Variants in TNFAIP1 observed in about 807,000 individuals in gnomAD.
TNFAIP1 encodes the protein BTB/POZ domain-containing adapter for CUL3-mediated RhoA degradation protein 2.
A neutral mutation model predicts 32.6 loss-of-function variants in TNFAIP1; 20 were observed. That is an observed-to-expected ratio of 0.61 (90% CI 0.43 to 0.89). The LOEUF (loss-of-function observed/expected upper bound fraction) is 0.89. TNFAIP1 is among the 40% of genes least tolerant of loss of function. TNFAIP1 has a pLI of 0.00. For missense variants in TNFAIP1, 319 were observed against 425.1 expected (o/e 0.75, Z 2.20); for synonymous variants, 166 against 166.8 (o/e 1.00, Z 0.04).
At chr17:28,339,751 G>T (rs190694359) in intron 2 of TNFAIP1, 25 bp downstream of exon 2, 5 of 1,607,334 alleles carry the variant, frequency 3.1e-6, no homozygotes, top group Non-Finnish European at 4.2e-6. Context: ...CTGCCGCTCG[G>T]GGTGGGGAGG....
rs1907566115 is a variant in TNFAIP1, at chr17:28,346,387, T to C, written c.*1787T>C. ...GTCAGCCTGAGACCACTGGCCTATT[T>C]TCTCAGCTGCCCTCTTGAGGTCCTT... On this transcript the variant is annotated 3_prime_UTR_variant, in exon 7 of 7. Coordinates refer to ENST00000226225, the MANE Select transcript of TNFAIP1 (RefSeq NM_021137.5). The C allele has an allele frequency of 6.6e-6, 1 of 152,224 alleles. No homozygotes were observed. The highest frequency in any genetic ancestry group is 1.5e-5 in the Non-Finnish European group (1 of 68,042). 9.4% of individuals were successfully genotyped at this position (152,224 alleles called of 1,614,324 possible). A position where few individuals can be genotyped will look rare whatever the true frequency, so the allele number is the denominator to read the frequency against.
At chr17:28,337,905 C>T (rs782209029) in intron 1 of TNFAIP1, among the ~76,000 whole-genome samples, 6 of 152,154 alleles carry the variant, frequency 3.9e-5, no homozygotes, top group Non-Finnish European at 4.4e-5. Flanking sequence ...TGTTTCCTTC[C>T]ACTAGAATGT....
At position 28,339,639 on chromosome 17, in the gene TNFAIP1, T is replaced by TTG; in HGVS notation, c.118_119insTG (p.Tyr40LeufsTer8). 6.2e-7 allele frequency: 1 copy of TTG among 1,613,758 alleles called. No individual in the cohort carries two copies. Among genetic ancestry groups the TTG allele is most frequent in the Non-Finnish European group, 8.5e-7 (1 of 1,180,004 alleles). On this transcript the variant is annotated frameshift_variant, in exon 2 of 7. Coordinates refer to ENST00000226225, the MANE Select transcript of TNFAIP1 (RefSeq NM_021137.5). LOFTEE classifies it high-confidence loss of function. ...GCTCAACGTGGGCGGCTCTCTGTAC[T>TTG]ACACCACTGTGCGGGCCCTGACCCG...
At position 28,340,964 on chromosome 17, in the gene TNFAIP1, C is replaced by G. The variant is rs1381571776; in HGVS notation, c.376-273C>G. Reference sequence around the variant, plus strand: ...TTCACCATGTTTTCCAGGCTAGTCTCGAACTGCTGGGCTCAAGTGATCTGC... The same window carrying G: ...TTCACCATGTTTTCCAGGCTAGTCTGGAACTGCTGGGCTCAAGTGATCTGC... On this transcript the variant is annotated intron_variant, in intron 3 of 6. Coordinates refer to ENST00000226225, the MANE Select transcript of TNFAIP1 (RefSeq NM_021137.5). This position sits in a 1 kb window ranked among gnomAD's most constrained non-coding sequence, Gnocchi z 4.1. Among the ~76,000 whole-genome samples, 1 of 152,124 alleles carries G rather than the reference C, an allele frequency of 6.6e-6. No homozygotes were observed. Among genetic ancestry groups the G allele is most frequent in the Non-Finnish European group, 1.5e-5 (1 of 68,016 alleles).
At chr17:28,343,653 T>C (rs1907444143) in intron 6 of TNFAIP1, among the ~76,000 whole-genome samples, 1 of 151,700 alleles carries the variant, frequency 6.6e-6, no homozygotes, top group Non-Finnish European at 1.5e-5. Flanking sequence ...ACCTGGCATC[T>C]TCTTAAGTGT....
rs1309147332 is a variant in TNFAIP1 at position 28,344,942 on chromosome 17, G to A, written c.*342G>A. ...GAAGGCTACTGCCCCTTAGGCCTCA[G>A]CTGGGGGAAAGGCAGTTCTGGTGCT... On this transcript the variant is annotated 3_prime_UTR_variant, in exon 7 of 7. Coordinates refer to ENST00000226225, the MANE Select transcript of TNFAIP1 (RefSeq NM_021137.5). The A allele has an allele frequency of 1.2e-5, 4 of 321,134 alleles. No homozygotes were observed. The highest frequency in any genetic ancestry group is 2.4e-5 in the Non-Finnish European group (4 of 169,034). 19.9% of individuals were successfully genotyped at this position (321,134 alleles called of 1,614,324 possible).
chr17:28,341,106 C>A, intron 3 of TNFAIP1, 131 bp from the exon 4 acceptor site: 3 of 911,556 alleles, frequency 3.3e-6, no homozygotes, highest in Non-Finnish European at 3.5e-6. Context: ...TTGTCAGGGG[C>A]CTCATGATCT....
At chr17:28,339,167 G>C (rs967482473) in intron 1 of TNFAIP1, among the ~76,000 whole-genome samples, 2 of 151,310 alleles carry the variant, frequency 1.3e-5, no homozygotes, top group African/African-American at 4.9e-5. Flanking sequence ...GAGCCTGGGA[G>C]GCAAAGGCTG....
chr17:28,343,353 C>G (rs1907432193), intron 6 of TNFAIP1, among the ~76,000 whole-genome samples: 1 of 151,998 alleles, frequency 6.6e-6, no homozygotes, highest in Admixed American at 6.6e-5. Flanking sequence ...AGATGATACG[C>G]TGGGGTGGAT....
At position 28,339,463 on chromosome 17, in the gene TNFAIP1, C is replaced by T. The variant is rs1229567476; in HGVS notation, c.-59C>T. ...GGCCACTCACTCGTGACCCTTTCCA[C>T]CACGGCGGAGCCTTCCAAGCCTACC... On this transcript the variant is annotated 5_prime_UTR_variant, in exon 2 of 7. Transcript: ENST00000226225. 1.3e-5 allele frequency: 20 copies of T among 1,495,628 alleles called. No individual in the cohort carries two copies. The highest frequency in any genetic ancestry group is 1.8e-5 in the Non-Finnish European group (20 of 1,119,740). The allele number at this position is 1,495,628 out of a possible 1,614,324, so 92.6% of individuals were successfully genotyped here.
chr17:28,342,349 G>C lies in TNFAIP1; in HGVS notation c.621G>C (p.Glu207Asp). 6.2e-7 allele frequency: 1 copy of C among 1,608,162 alleles called. No homozygotes were observed. The highest frequency in any genetic ancestry group is 8.5e-7 in the Non-Finnish European group (1 of 1,174,924). The change falls in exon 6 of 7, where the codon GAG (glutamate) becomes GAC (aspartate). Residue 207 changes from glutamate to aspartate, a missense_variant. Coordinates refer to ENST00000226225, the MANE Select transcript of TNFAIP1 (RefSeq NM_021137.5). The surrounding 1 kb of genome is among the most constrained non-coding windows in gnomAD (Gnocchi z 4.0). ...VLFIKDVIGD[E>D]ICCWSFYGQG... is the part of the protein sequence containing the mutation. The stretch of plus-strand genomic sequence containing the variant: ...TCATCAAGGATGTCATTGGTGACGA[G>C]ATCTGCTGCTGGTCCTTTTATGGCC...
In TNFAIP1 at chr17:28,345,770, C is replaced by T. The variant is rs1346539073; in HGVS notation, c.*1170C>T. The T allele has an allele frequency of 5.3e-5, 8 of 152,266 alleles. No individual in the cohort carries two copies. In the East Asian group the frequency reaches 9.6e-4, roughly 18 times the overall value. The allele number at this position is 152,266 out of a possible 1,614,324, so 9.4% of individuals were successfully genotyped here. ...GGTTCTGCCCAGTGGTGTCTCTGAG[C>T]GCGGGATGACAGGAGCAACCGAAGC... On this transcript the variant is annotated 3_prime_UTR_variant, in exon 7 of 7. Transcript: ENST00000226225.
chr17:28,344,695 C>T lies in TNFAIP1; in HGVS notation c.*95C>T. 1.6e-6 allele frequency: 2 copies of T among 1,274,794 alleles called. No homozygotes were observed. Among genetic ancestry groups the T allele is most frequent in the Non-Finnish European group, 2.2e-6 (2 of 899,298 alleles). The allele number at this position is 1,274,794 out of a possible 1,614,324, so 79.0% of individuals were successfully genotyped here. On this transcript the variant is annotated 3_prime_UTR_variant, in exon 7 of 7. Transcript: ENST00000226225. ...CCCCATGCTGCTGCTGCCTGGGTCT[C>T]TGCTCTAGCACCCAGAGGCATGACA...
At position 28,342,853 on chromosome 17, in the gene TNFAIP1, C is replaced by A. The variant is rs554375242; in HGVS notation, c.714+411C>A. On this transcript the variant is annotated intron_variant, in intron 6 of 6. Transcript: ENST00000226225. The surrounding 1 kb of genome is among the most constrained non-coding windows in gnomAD (Gnocchi z 4.0). ...AATTTAACGAGATATGAAAATGATA[C>A]AACTCTTTGGAGCAGCAGTGTGGTG... Among the ~76,000 whole-genome samples the A allele has an allele frequency of 2.2e-4, 34 of 152,228 alleles. 1 individual carries two copies. In the South Asian group the frequency reaches 4.1e-3, roughly 19 times the overall value.
rs1555578409 is a variant in TNFAIP1 at position 28,342,879 on chromosome 17, TAG to T, written c.714+439_714+440del. The stretch of plus-strand genomic sequence containing the variant: ...AACTCTTTGGAGCAGCAGTGTGGTG[TAG>T]AAACAGCTTGGGCTTTCGTGTTAGA... On this transcript the variant is annotated intron_variant, in intron 6 of 6. Transcript: ENST00000226225. This position sits in a 1 kb window ranked among gnomAD's most constrained non-coding sequence, Gnocchi z 4.0. Among the ~76,000 whole-genome samples the T allele has an allele frequency of 6.6e-6, 1 of 152,198 alleles. No homozygotes were observed. The highest frequency in any genetic ancestry group is 1.5e-5 in the Non-Finnish European group (1 of 68,028).
Position 28,342,363 on chromosome 17 carries a change from C to T in TNFAIP1, c.635C>T (p.Ser212Phe). The T allele has an allele frequency of 6.2e-7, 1 of 1,607,596 alleles. No homozygotes were observed. Among genetic ancestry groups the T allele is most frequent in the Non-Finnish European group, 8.5e-7 (1 of 1,174,428 alleles). ...ATTGGTGACGAGATCTGCTGCTGGTCCTTTTATGGCCAGGGCCGTAAGCTG... is the reference window on the plus strand; with the variant it reads ...ATTGGTGACGAGATCTGCTGCTGGTTCTTTTATGGCCAGGGCCGTAAGCTG... ...DVIGDEICCW[S>F]FYGQGRKLAE... The change falls in exon 6 of 7, where the codon TCC becomes TTC. Residue 212 changes from serine (S) to phenylalanine (F), a missense_variant. Coordinates refer to ENST00000226225, the MANE Select transcript of TNFAIP1 (RefSeq NM_021137.5). The surrounding 1 kb of genome is among the most constrained non-coding windows in gnomAD (Gnocchi z 4.0).
Position 28,339,479 on chromosome 17 carries a change from C to T in TNFAIP1, c.-43C>T. 6.5e-7 allele frequency: 1 copy of T among 1,541,692 alleles called. No homozygotes were observed. Among genetic ancestry groups the T allele is most frequent in the Non-Finnish European group, 8.7e-7 (1 of 1,144,964 alleles). On this transcript the variant is annotated 5_prime_UTR_variant, in exon 2 of 7. Transcript: ENST00000226225. ...CCCTTTCCACCACGGCGGAGCCTTC[C>T]AAGCCTACCTCCTGCCGTGTGGTGA...
intron 6 of TNFAIP1, 147 bp from the exon 7 acceptor site, chr17:28,344,217 G>A: frequency 1.4e-6 from 1 of 716,774 alleles, no homozygotes; most frequent in Admixed American, 2.2e-5. Context: ...CGCCTTCGGA[G>A]GGAGGCTGGC....
At chr17:28,338,681 G>GA (rs1907254656) in intron 1 of TNFAIP1, among the ~76,000 whole-genome samples, 3 of 152,056 alleles carry the variant, frequency 2.0e-5, no homozygotes, top group Admixed American at 2.0e-4. Flanking sequence ...TGGCTCCTGG[G>GA]AAACTCCTAG....
Sources: gnomAD v4.1 joint callset for allele counts (sites outside exome capture counted in the v4.1 genomes callset) on GRCh38, gnomAD v4.1.1 for gene constraint, Gnocchi (gnomAD v3.1) non-coding constraint, MANE v1.5 for transcripts, NCBI Gene and HGNC (gene_info 2026-07-23, HGNC 2026-07-21) for gene names.